Variants in CLIC5 observed in about 807,000 individuals in gnomAD.
The protein encoded by CLIC5 is CLIC family member 5.
A neutral mutation model predicts 24.7 loss-of-function variants in CLIC5; 20 were observed. The observed-to-expected ratio is 0.81, with a 90% CI of 0.57 to 1.18. The LOEUF (loss-of-function observed/expected upper bound fraction) is 1.18. Among genes scored for constraint, CLIC5 ranks in the 50% most tolerant of loss-of-function variants. The probability of loss-of-function intolerance (pLI) is 0.00; values close to 1 mark genes in which losing one functional copy is unlikely to be tolerated. For missense variants in CLIC5, 341 were observed against 326.1 expected, an observed-to-expected ratio of 1.05 and a Z score of -0.35; for synonymous variants, 159 against 135.6, an observed-to-expected ratio of 1.17 and a Z score of -1.20.
chr6:46,123,887 A>T, the CLIC5 span, among the ~76,000 whole-genome samples: 3 of 152,164 alleles, frequency 2.0e-5, no homozygotes, highest in Admixed American at 6.5e-5. Context: ...GATGTGAAGG[A>T]CCTCTTCAAG....
intron 4 of CLIC5, among the ~76,000 whole-genome samples, chr6:45,927,472 A>C (rs533324070): frequency 6.6e-6 from 1 of 152,364 alleles, no homozygotes; most frequent in African/African-American, 2.4e-5. Flanking sequence ...CAGAAGAAAC[A>C]GAGGCAGTAA....
chr6:46,003,905 T>C (rs2127435118), intron 1 of CLIC5, among the ~76,000 whole-genome samples: 1 of 152,228 alleles, frequency 6.6e-6, no homozygotes, highest in African/African-American at 2.4e-5. Flanking sequence ...GTTTCTAAGT[T>C]TGTATAGAGC....
At chr6:45,971,134 A>G (rs1023455193) in intron 1 of CLIC5, among the ~76,000 whole-genome samples, 3 of 152,226 alleles carry the variant, frequency 2.0e-5, no homozygotes, top group Non-Finnish European at 4.4e-5. Flanking sequence ...TCAAATTCAC[A>G]AGCACAAAAA....
intron 2 of CLIC5, among the ~76,000 whole-genome samples, chr6:45,951,384 C>A (rs142265612): frequency 2.6e-5 from 4 of 152,268 alleles, no homozygotes; most frequent in African/African-American, 9.6e-5. Flanking sequence ...GAACTTCCTG[C>A]ACTTAGCCCA....
intron 4 of CLIC5, among the ~76,000 whole-genome samples, chr6:45,923,158 T>A (rs1217078504): frequency 6.6e-6 from 1 of 152,210 alleles, no homozygotes; most frequent in African/African-American, 2.4e-5. Flanking sequence ...TTAATGCTGA[T>A]TGTAGTTTAT....
At chr6:46,065,288 G>C (rs1288706020) in intron 1 of CLIC5, among the ~76,000 whole-genome samples, 1 of 150,760 alleles carries the variant, frequency 6.6e-6, no homozygotes, top group African/African-American at 2.4e-5. Context: ...ATCCTGGAAA[G>C]GCAGTAGCTA....
chr6:45,998,769 A>C (rs3777613), intron 1 of CLIC5, among the ~76,000 whole-genome samples: 50,310 of 152,016 alleles, frequency 0.33, 8,532 homozygotes, highest in Middle Eastern at 0.45. Context: ...GGCCAAGCCC[A>C]CAGCTCCAGG....
At chr6:46,019,175 T>C (rs2127448698), upstream of CLIC5, among the ~76,000 whole-genome samples, 1 of 151,082 alleles carries the variant, frequency 6.6e-6, no homozygotes, top group Non-Finnish European at 1.5e-5. Context: ...AATAGAAAAC[T>C]GATAATAAAA....
At chr6:45,981,859 A>G (rs1192770853) in intron 1 of CLIC5, among the ~76,000 whole-genome samples, 1 of 152,124 alleles carries the variant, frequency 6.6e-6, no homozygotes, top group Non-Finnish European at 1.5e-5. Context: ...TTATCCGGGC[A>G]TGATGGCAGG....
intron 1 of CLIC5, among the ~76,000 whole-genome samples, chr6:46,007,796 C>T (rs1464070796): frequency 1.3e-5 from 2 of 151,544 alleles, no homozygotes; most frequent in Non-Finnish European, 2.9e-5. Flanking sequence ...ATGTTGATCA[C>T]ATTTTATAGA....
chr6:45,964,791 A>G (rs9472629), intron 1 of CLIC5, among the ~76,000 whole-genome samples: 25,653 of 152,062 alleles, frequency 0.17, 3,507 homozygotes, highest in East Asian at 0.56. Context: ...AGCAAAATAA[A>G]TGTTGTTATT....
intron 6 of CLIC5, among the ~76,000 whole-genome samples, chr6:45,881,826 TTG>T (rs1762265178): frequency 6.6e-6 from 1 of 152,104 alleles, no homozygotes; most frequent in African/African-American, 2.4e-5. Flanking sequence ...GTGCAGAAGG[TTG>T]TGTTTGGCCA....
chr6:46,025,801 T>C (rs1034997930), intron 1 of CLIC5, among the ~76,000 whole-genome samples: 1 of 152,046 alleles, frequency 6.6e-6, no homozygotes, highest in Non-Finnish European at 1.5e-5. Flanking sequence ...AGGACGAATT[T>C]CCCCCTTGCT....
At chr6:46,056,664 G>A (rs536708677) in intron 1 of CLIC5, among the ~76,000 whole-genome samples, 25 of 152,136 alleles carry the variant, frequency 1.6e-4, no homozygotes, top group Non-Finnish European at 3.2e-4. Flanking sequence ...CTACACCACA[G>A]AGACCAATGT....
intron 2 of CLIC5, among the ~76,000 whole-genome samples, chr6:45,952,001 C>G (rs1764487142): frequency 6.6e-6 from 1 of 152,156 alleles, no homozygotes; most frequent in South Asian, 2.1e-4. Flanking sequence ...GTGCATGTCC[C>G]TCATTTTAGA....
At chr6:45,936,921 G>T (rs575158052) in intron 4 of CLIC5, among the ~76,000 whole-genome samples, 1 of 152,128 alleles carries the variant, frequency 6.6e-6, no homozygotes, top group Non-Finnish European at 1.5e-5. Flanking sequence ...TGAAGAGCAG[G>T]TTGGAAAGAG....
chr6:46,027,195 G>C (rs1246001483), intron 1 of CLIC5, among the ~76,000 whole-genome samples: 1 of 152,176 alleles, frequency 6.6e-6, no homozygotes, highest in Non-Finnish European at 1.5e-5. Context: ...GCTAACAAAG[G>C]AATCTGGGTA....
chr6:46,086,607 G>C, the CLIC5 span, among the ~76,000 whole-genome samples: 48 of 152,306 alleles, frequency 3.2e-4, no homozygotes, highest in South Asian at 9.1e-3. Flanking sequence ...TGAATTTTAT[G>C]CTCATAGGAT....
intron 1 of CLIC5, among the ~76,000 whole-genome samples, chr6:45,983,494 G>A (rs1765631175): frequency 6.6e-6 from 1 of 152,106 alleles, no homozygotes; most frequent in Non-Finnish European, 1.5e-5. Context: ...GAGCGATTGT[G>A]GCATTCCTTA....
Sources: gnomAD v4.1 joint callset for allele counts (sites outside exome capture counted in the v4.1 genomes callset) on GRCh38, gnomAD v4.1.1 for gene constraint, MANE v1.5 for transcripts, NCBI Gene and HGNC (gene_info 2026-07-23, HGNC 2026-07-21) for gene names.